SYT13: variants seen among roughly 807,000 people sequenced by gnomAD.
The protein encoded by SYT13 is synaptotagmin 13.
SYT13 carries 21 observed loss-of-function variants against 38.6 expected under a neutral mutation model. The ratio of observed to expected loss-of-function variants is 0.54; its 90% CI spans 0.39 to 0.78. SYT13 has a LOEUF of 0.78. Ranked by LOEUF, SYT13 falls within the 30% of genes least tolerant of loss-of-function variation. The pLI, the probability that SYT13 is intolerant of heterozygous loss-of-function variation, is 0.00. For synonymous variants in SYT13, 241 were observed against 237.6 expected, an observed-to-expected ratio of 1.01 and a Z score of -0.13; for missense variants, 495 against 548.7, an observed-to-expected ratio of 0.90 and a Z score of 0.98.
chr11:45,262,169 A>G (rs1274668963), intron 1 of SYT13, among the ~76,000 whole-genome samples: 1 of 152,198 alleles, frequency 6.6e-6, no homozygotes, highest in Non-Finnish European at 1.5e-5. Flanking sequence ...ACAGGCTACA[A>G]CATGGATGAT....
chr11:45,255,497 G>T (rs113609189), intron 2 of SYT13, among the ~76,000 whole-genome samples, 169 bp downstream of exon 2: 5 of 152,200 alleles, frequency 3.3e-5, no homozygotes, highest in Admixed American at 2.6e-4. Context: ...GCAACATGTT[G>T]TCAGGAAGAA....
rs4237652 is a variant in SYT13, at chr11:45,258,736, C to A, written c.184-2845G>T. Among the ~76,000 whole-genome samples the A allele has an allele frequency of 0.78, 118,314 of 151,914 alleles. 47,171 individuals are homozygous for A. The highest frequency in any genetic ancestry group is 0.87 in the Non-Finnish European group (59,134 of 67,968). ...GGAGGAGCCAGGGCATGACTGAGAC[C>A]TTGAAAGAGAGGGGGATTTGGAAGG... On this transcript the variant is annotated intron_variant, in intron 1 of 5. Transcript: ENST00000020926.
intron 1 of SYT13, 104 bp from the exon 2 acceptor site, chr11:45,255,995 G>A (rs1854742804): frequency 8.4e-7 from 1 of 1,188,934 alleles, no homozygotes; most frequent in South Asian, 1.4e-5. Flanking sequence ...GGATGCAGAG[G>A]GAGAGTTGTG....
intron 3 of SYT13, 62 bp downstream of exon 3, chr11:45,254,208 G>A: frequency 6.5e-7 from 1 of 1,540,644 alleles, no homozygotes; most frequent in Non-Finnish European, 8.7e-7. Flanking sequence ...CATCCTGCCT[G>A]CACAGCTTCT....
chr11:45,253,999 A>G (rs1293301348), intron 3 of SYT13: 1 of 298,222 alleles, frequency 3.4e-6, no homozygotes, highest in Non-Finnish European at 6.1e-6. Flanking sequence ...TGACAAGGAG[A>G]GGGGGGTTAT....
chr11:45,255,722 T>G lies in SYT13; in HGVS notation c.353A>C (p.Asn118Thr), dbSNP rs1333809293. 2.5e-6 allele frequency: 4 copies of G among 1,613,942 alleles called. No homozygotes were observed. The highest frequency in any genetic ancestry group is 1.7e-5 in the Admixed American group (1 of 59,988). ...PTAPASPQPP[N>T]DSRLKRQVTE... is the part of the protein sequence containing the mutation. ...GACCTGCCTCTTGAGGCGACTGTCA[T>G]TCGGGGGTTGGGGGCTGGCAGGTGC... is the stretch of plus-strand genomic sequence containing the variant. The change falls in exon 2 of 6, where the codon AAT (asparagine) becomes ACT (threonine). Residue 118 changes from asparagine to threonine, a missense_variant. By Grantham distance (65) the Asn-to-Thr change is moderately conservative. Coordinates refer to ENST00000020926, the MANE Select transcript of SYT13 (RefSeq NM_020826.3).
rs1282904611 is a variant in SYT13, at chr11:45,252,571, C to T, written c.696G>A (p.Glu232=). 1.9e-6 allele frequency: 3 copies of T among 1,614,008 alleles called. No individual in the cohort carries two copies. Among genetic ancestry groups the T allele is most frequent in the Non-Finnish European group, 1.7e-6 (2 of 1,180,044 alleles). ...GCGTCAGGGTGGCTGTGGGGAGCTC[C>T]TCCTCCGCCAGGGGGAGCACCAGGC... ...EEGLVLPLAE[E]ELPTATLTLT... is the part of the protein sequence containing the mutation. The change falls in exon 4 of 6, where the codon GAG becomes GAA. Residue 232 remains glutamate (E), a synonymous_variant. Coordinates refer to ENST00000020926, the MANE Select transcript of SYT13 (RefSeq NM_020826.3). The surrounding 1 kb of genome is among the most constrained non-coding windows in gnomAD (Gnocchi z 4.3).
In SYT13 at chr11:45,252,411, G is replaced by T. The variant is rs1450213965; in HGVS notation, c.846+10C>A. 6.4e-7 allele frequency: 1 copy of T among 1,562,470 alleles called. No individual in the cohort carries two copies. Among genetic ancestry groups the T allele is most frequent in the East Asian group, 2.3e-5 (1 of 44,070 alleles). On this transcript the variant is annotated intron_variant, in intron 4 of 5. Transcript: ENST00000020926. This position sits in a 1 kb window ranked among gnomAD's most constrained non-coding sequence, Gnocchi z 4.3. The stretch of plus-strand genomic sequence containing the variant: ...CAGGTTTTACCTTTCTAACCCAGGG[G>T]TTACCCTACCTTCGCTGAAGTCTTC...
In SYT13 at chr11:45,285,963, C is replaced by T. The variant is rs991071973; in HGVS notation, c.183+62G>A. ...CGACCGCCTCCCACCCCAGTTCCCC[C>T]TCTGCAGCTGCCCGGCAACCCCGCC... On this transcript the variant is annotated intron_variant, in intron 1 of 5. Transcript: ENST00000020926. 13 of 1,560,666 alleles carry T rather than the reference C, an allele frequency of 8.3e-6. 1 individual carries two copies. The Admixed American group carries it at 1.9e-4, about 23-fold the overall frequency.
chr11:45,254,217 C>T (rs1854713933), intron 3 of SYT13, 53 bp downstream of exon 3: 1 of 1,562,416 alleles, frequency 6.4e-7, no homozygotes, highest in African/African-American at 1.4e-5. Flanking sequence ...TGCACAGCTT[C>T]TCCAGGGGAG....
At chr11:45,253,467 A>C (rs895728076) in intron 3 of SYT13, among the ~76,000 whole-genome samples, 7 of 152,230 alleles carry the variant, frequency 4.6e-5, no homozygotes, top group African/African-American at 1.7e-4. Context: ...AATAAAGTAT[A>C]GGAGGAAGGT....
intron 1 of SYT13, among the ~76,000 whole-genome samples, chr11:45,267,944 A>C (rs1456065579): frequency 6.6e-6 from 1 of 151,908 alleles, no homozygotes; most frequent in Non-Finnish European, 1.5e-5. Context: ...CTGTGCCCCC[A>C]ATCCTTTCTC....
intron 1 of SYT13, among the ~76,000 whole-genome samples, chr11:45,275,778 A>G (rs569851628): frequency 1.3e-5 from 2 of 150,332 alleles, no homozygotes; most frequent in South Asian, 2.1e-4. Flanking sequence ...TACTGCCTCA[A>G]TTAGATGGGG....
rs1854551657 is a variant in SYT13, at chr11:45,241,522, A to ACCCC, written c.*2529_*2530insGGGG. 8.2e-5 allele frequency: 3 copies of ACCCC among 36,730 alleles called. No homozygotes were observed. Among genetic ancestry groups the ACCCC allele is most frequent in the South Asian group, 1.1e-3 (1 of 934 alleles). The allele number at this position is 36,730 out of a possible 1,614,324, so 2.3% of individuals were successfully genotyped here. A position where few individuals can be genotyped will look rare whatever the true frequency, so the allele number is the denominator to read the frequency against. The stretch of plus-strand genomic sequence containing the variant: ...ATCCCTCCCCCGCCCCGCCCCCCCA[A>ACCCC]AAAAAAGAAGAAGAAGAATGAAAGG... On this transcript the variant is annotated 3_prime_UTR_variant, in exon 6 of 6. Coordinates refer to ENST00000020926, the MANE Select transcript of SYT13 (RefSeq NM_020826.3).
At chr11:45,257,041 C>T (rs978527550) in intron 1 of SYT13, among the ~76,000 whole-genome samples, 5 of 152,194 alleles carry the variant, frequency 3.3e-5, no homozygotes, top group African/African-American at 1.2e-4. Context: ...GCACAAAAAT[C>T]TCTGGATGAG....
intron 4 of SYT13, among the ~76,000 whole-genome samples, chr11:45,251,155 T>C (rs982514072): frequency 3.3e-5 from 5 of 151,944 alleles, no homozygotes; most frequent in Non-Finnish European, 7.4e-5. Context: ...TTTGGGAGGC[T>C]GAGGTGGGGT....
At chr11:45,254,210 A>G in intron 3 of SYT13, 60 bp downstream of exon 3, 1 of 1,544,778 alleles carries the variant, frequency 6.5e-7, no homozygotes, top group Non-Finnish European at 8.7e-7. Context: ...TCCTGCCTGC[A>G]CAGCTTCTCC....
intron 1 of SYT13, among the ~76,000 whole-genome samples, chr11:45,266,168 T>A (rs530558060): frequency 1.3e-5 from 2 of 152,266 alleles, no homozygotes; most frequent in East Asian, 3.9e-4. Context: ...GTTTGCTGAG[T>A]GATTCCTGCA....
Position 45,255,560 on chromosome 11 carries a change from C to T in SYT13, c.409+106G>A, listed in dbSNP as rs961679790. The stretch of plus-strand genomic sequence containing the variant: ...CATCTGCTTGGCCAGCGTCAAATGC[C>T]GGGGCACTCGGCCTCCTCATCAGGC... On this transcript the variant is annotated intron_variant, in intron 2 of 5. Coordinates refer to ENST00000020926, the MANE Select transcript of SYT13 (RefSeq NM_020826.3). The T allele has an allele frequency of 4.8e-5, 53 of 1,102,732 alleles. No homozygotes were observed. In the East Asian group the frequency reaches 5.4e-4, roughly 11 times the overall value. 68.3% of individuals were successfully genotyped at this position (1,102,732 alleles called of 1,614,324 possible).
Sources: gnomAD v4.1 joint callset for allele counts (sites outside exome capture counted in the v4.1 genomes callset) on GRCh38, gnomAD v4.1.1 for gene constraint, Gnocchi (gnomAD v3.1) non-coding constraint, MANE v1.5 for transcripts, NCBI Gene and HGNC (gene_info 2026-07-23, HGNC 2026-07-21) for gene names.